AHNAK: variants seen among roughly 807,000 people sequenced by gnomAD.
AHNAK encodes neuroblast differentiation-associated protein AHNAK.
AHNAK carries 23 observed loss-of-function variants against 37.8 expected under a neutral mutation model. That is an observed-to-expected ratio of 0.61 (90% confidence interval 0.44 to 0.86). The LOEUF is 0.86. Ranked by LOEUF, AHNAK falls within the 40% of genes least tolerant of loss-of-function variation. The pLI is 0.00. For missense variants in AHNAK, 7,411 were observed against 7,319.4 expected, an observed-to-expected ratio of 1.01 and a Z score of -0.46; for synonymous variants, 2,481 against 2,636.3, an observed-to-expected ratio of 0.94 and a Z score of 1.80.
In AHNAK at chr11:62,522,150, A is replaced by C; in HGVS notation, c.12267T>G (p.Ile4089Met). Residue 4089 changes from isoleucine to methionine, a missense_variant, in exon 5 of 5, where the codon ATT (isoleucine) becomes ATG (methionine). Physicochemically the swap from Ile to Met is conservative, Grantham distance 10. Transcript: ENST00000378024. ...TGTCCACTTTGGGTCCTGAGACATCAATGTCAGCTTTGGGCAAATTAACAT... is the reference window on the plus strand; with the variant it reads ...TGTCCACTTTGGGTCCTGAGACATCCATGTCAGCTTTGGGCAAATTAACAT... ...EVDVNLPKAD[I>M]DVSGPKVDID... 3.7e-6 allele frequency: 6 copies of C among 1,613,394 alleles called. No individual in the cohort carries two copies. Among genetic ancestry groups the C allele is most frequent in the Non-Finnish European group, 4.2e-6 (5 of 1,179,884 alleles).
Position 62,520,689 on chromosome 11 carries a change from C to T in AHNAK, c.13728G>A (p.Leu4576=). The T allele has an allele frequency of 6.2e-7, 1 of 1,614,118 alleles. No individual in the cohort carries two copies. The highest frequency in any genetic ancestry group is 8.5e-7 in the Non-Finnish European group (1 of 1,180,022). ...CAGGCATTTTAAATTTGGGGCCCTT[C>T]AGTTTCCCTTCTGGACCATGAATGT... ...DIDIHGPEGK[L]KGPKFKMPDL... Residue 4576 remains leucine, a synonymous_variant, in exon 5 of 5, where the codon CTG becomes CTA. Transcript: ENST00000378024.
intron 4 of AHNAK, among the ~76,000 whole-genome samples, chr11:62,510,763 C>A (rs1004640484): frequency 4.0e-5 from 6 of 149,734 alleles, no homozygotes; most frequent in Non-Finnish European, 7.4e-5. Flanking sequence ...AACAAAAAAA[C>A]CATATATATA....
At chr11:62,448,569 A>G (rs2509985) in intron 5 of AHNAK, among the ~76,000 whole-genome samples, 97,467 of 152,030 alleles carry the variant, frequency 0.64, 31,382 homozygotes, top group South Asian at 0.74. Flanking sequence ...GTTTGAAGGC[A>G]GGCGGGCTGA....
chr11:62,434,335 A>G (rs1424225227), intron 5 of AHNAK, among the ~76,000 whole-genome samples: 1 of 152,064 alleles, frequency 6.6e-6, no homozygotes, highest in East Asian at 1.9e-4. Flanking sequence ...TTTCCTCTTC[A>G]TGAACCCTTT....
chr11:62,450,896 G>A (rs571636791), intron 5 of AHNAK, among the ~76,000 whole-genome samples: 2 of 152,346 alleles, frequency 1.3e-5, no homozygotes, highest in South Asian at 4.1e-4. Flanking sequence ...AAGGTGGGTG[G>A]CAAGCTCAGT....
At chr11:62,440,420 C>T (rs1256630765) in intron 5 of AHNAK, among the ~76,000 whole-genome samples, 1 of 152,098 alleles carries the variant, frequency 6.6e-6, no homozygotes, top group Non-Finnish European at 1.5e-5. Flanking sequence ...TCCTTCCTCC[C>T]TCCCAGCCAC....
In AHNAK at chr11:62,526,101, G is replaced by C. The variant is rs777575752; in HGVS notation, c.8316C>G (p.Pro2772=). ...WHLKMPKIKM[P]KISMPGFKGE... ...CTTTGAAGCCAGGCATGCTGATCTT[G>C]GGCATTTTTATCTTGGGCATCTTTA... Residue 2772 remains proline (P), a synonymous_variant, in exon 5 of 5, where the codon CCC becomes CCG. Coordinates refer to ENST00000378024, the MANE Select transcript of AHNAK (RefSeq NM_001620.3). 6.2e-7 allele frequency: 1 copy of C among 1,608,228 alleles called. No homozygotes were observed. Among genetic ancestry groups the C allele is most frequent in the African/African-American group, 1.4e-5 (1 of 72,932 alleles).
intron 3 of AHNAK, 27 bp downstream of exon 3, chr11:62,535,918 C>T (rs370045610): frequency 6.9e-6 from 11 of 1,596,760 alleles, no homozygotes; most frequent in African/African-American, 5.4e-5. Context: ...ACCACCAGCA[C>T]CCAGTCCACA....
At chr11:62,510,138 A>G (rs1010594841) in intron 4 of AHNAK, among the ~76,000 whole-genome samples, 1 of 148,808 alleles carries the variant, frequency 6.7e-6, no homozygotes, top group African/African-American at 2.5e-5. Context: ...GCTCACTGCA[A>G]CCTCCACCTC....
chr11:62,510,107 G>A (rs1287761999), intron 4 of AHNAK, among the ~76,000 whole-genome samples: 1 of 151,828 alleles, frequency 6.6e-6, no homozygotes, highest in African/African-American at 2.4e-5. Context: ...GCCCAGGCTG[G>A]AGTGCAATGG....
chr11:62,505,331 T>C (rs1311153849), intron 4 of AHNAK, among the ~76,000 whole-genome samples: 1 of 152,066 alleles, frequency 6.6e-6, no homozygotes, highest in African/African-American at 2.4e-5. Context: ...GGCCCAAATA[T>C]GGCCTGGCGA....
intron 5 of AHNAK, among the ~76,000 whole-genome samples, chr11:62,455,693 G>A (rs1342502080): frequency 1.3e-5 from 2 of 151,300 alleles, no homozygotes; most frequent in South Asian, 2.1e-4. Context: ...CAACAAGAGC[G>A]AAACTCCATC....
At chr11:62,468,373 T>A (rs896342818) in intron 5 of AHNAK, among the ~76,000 whole-genome samples, 89 of 130,328 alleles carry the variant, frequency 6.8e-4, no homozygotes, top group Admixed American at 1.7e-3. Context: ...AAAAAAAAAA[T>A]ATATATATAT....
rs1294109993 is a variant in AHNAK, at chr11:62,517,709, C to T, written c.16708G>A (p.Ala5570Thr). 5.0e-6 allele frequency: 8 copies of T among 1,614,198 alleles called. No homozygotes were observed. Among genetic ancestry groups the T allele is most frequent in the Admixed American group, 3.3e-5 (2 of 60,022 alleles). Residue 5570 changes from alanine (A) to threonine (T), a missense_variant, in exon 5 of 5, where the codon GCG (alanine) becomes ACG (threonine). Physicochemically the swap from Ala to Thr is moderately conservative, Grantham distance 58. Transcript: ENST00000378024. ...GCACTGACACCCCCTGAAACATCCG[C>T]ACCTCCTTTGATTTTTGGGCCCTTC... The part of the protein sequence containing the change: ...NLKGPKIKGG[A>T]DVSGGVSAPD...
In AHNAK at chr11:62,524,942, T is replaced by C. The variant is rs753831840; in HGVS notation, c.9475A>G (p.Ser3159Gly). Residue 3159 changes from serine to glycine, a missense_variant, in exon 5 of 5, where the codon AGC becomes GGC. Ser to Gly is a moderately conservative substitution (Grantham distance 56). Transcript: ENST00000378024. ...CCTTCTCCTTTGAAGCCAGGCATGC[T>C]GATCTTGGGCATTTTTATTTTAGGC... ...KMPKIKMPKI[S>G]MPGFKGEGPE... 7 of 1,613,770 alleles carry C rather than the reference T, an allele frequency of 4.3e-6. No individual in the cohort carries two copies. The highest frequency in any genetic ancestry group is 1.7e-5 in the Admixed American group (1 of 59,972).
chr11:62,518,397 C>A lies in AHNAK; in HGVS notation c.16020G>T (p.Val5340=). The part of the protein sequence containing the change: ...NLSGVGGKMQ[V]GGDGVKVPGI... The stretch of plus-strand genomic sequence containing the variant: ...CTGGCACTTTCACACCGTCTCCTCC[C>A]ACCTGCATTTTGCCACCGACACCAC... Residue 5340 remains valine (V), a synonymous_variant, in exon 5 of 5, where the codon GTG becomes GTT. Transcript: ENST00000378024. The A allele has an allele frequency of 6.2e-7, 1 of 1,614,138 alleles. No homozygotes were observed. The highest frequency in any genetic ancestry group is 2.2e-5 in the East Asian group (1 of 44,872).
At position 62,531,633 on chromosome 11, in the gene AHNAK, C is replaced by T. The variant is rs775166182; in HGVS notation, c.2784G>A (p.Lys928=). The change falls in exon 5 of 5, where the codon AAG becomes AAA. Residue 928 remains lysine (K), a synonymous_variant. Transcript: ENST00000378024. ...GCATCTTGAACTTGGGGCCCTTCAG[C>T]TTTCCTTCAGGTCCTTCAATATTCA... ...PDVNIEGPEG[K]LKGPKFKMPE... is the part of the protein sequence containing the mutation. 13 of 1,612,020 alleles carry T rather than the reference C, an allele frequency of 8.1e-6. No homozygotes were observed. The highest frequency in any genetic ancestry group is 9.3e-6 in the Non-Finnish European group (11 of 1,179,382).
At chr11:62,541,751 C>A (rs1388336381) in intron 1 of AHNAK, among the ~76,000 whole-genome samples, 1 of 152,178 alleles carries the variant, frequency 6.6e-6, no homozygotes, top group Non-Finnish European at 1.5e-5. Context: ...GAAGTGAAAG[C>A]AGGCCCAAGA....
Position 62,532,039 on chromosome 11 carries a change from C to T in AHNAK, c.2378G>A (p.Ser793Asn), listed in dbSNP as rs780668594. 2.5e-6 allele frequency: 4 copies of T among 1,612,896 alleles called. No homozygotes were observed. Among genetic ancestry groups the T allele is most frequent in the Non-Finnish European group, 3.4e-6 (4 of 1,179,780 alleles). The change falls in exon 5 of 5, where the codon AGC (serine) becomes AAC (asparagine). Residue 793 changes from serine (S) to asparagine (N), a missense_variant. Coordinates refer to ENST00000378024, the MANE Select transcript of AHNAK (RefSeq NM_001620.3). ...CAATTTCCCTTCTGGTTCCTCAATG[C>T]TCACATCAGGAGCAGTAACATCTAT... Reference protein sequence around the residue: ...PKIDVTAPDVSIEEPEGKLKG... With the variant: ...PKIDVTAPDVNIEEPEGKLKG...
Sources: gnomAD v4.1 joint callset for allele counts (sites outside exome capture counted in the v4.1 genomes callset) on GRCh38, gnomAD v4.1.1 for gene constraint, MANE v1.5 for transcripts, NCBI Gene and HGNC (gene_info 2026-07-23, HGNC 2026-07-21) for gene names.